Variants in DISC1 observed in about 807,000 individuals in gnomAD.
DISC1 encodes DISC1 scaffold protein.
In DISC1, 57 loss-of-function variants were observed where a neutral mutation model predicts 84.5. That is an observed-to-expected ratio of 0.67 (90% confidence interval 0.55 to 0.84). DISC1 has a LOEUF of 0.84. DISC1 is among the 40% of genes least tolerant of loss of function. The pLI is 0.00. For synonymous variants in DISC1, 411 were observed against 415.2 expected, an observed-to-expected ratio of 0.99 and a Z score of 0.12; for missense variants, 1,000 against 1,057.8, an observed-to-expected ratio of 0.95 and a Z score of 0.76.
At chr1:231,996,345 A>G (rs1310241159) in intron 10 of DISC1, among the ~76,000 whole-genome samples, 1 of 152,036 alleles carries the variant, frequency 6.6e-6, no homozygotes, top group African/African-American at 2.4e-5. Flanking sequence ...CTTTAGTTTA[A>G]TTAGATCCCA....
intron 9 of DISC1, among the ~76,000 whole-genome samples, chr1:231,923,693 T>C (rs1258354657): frequency 6.6e-6 from 1 of 152,242 alleles, no homozygotes; most frequent in Non-Finnish European, 1.5e-5. Context: ...AGAACACGTC[T>C]CTGCTGAGAC....
In DISC1 at chr1:232,007,294, C is replaced by T. The variant is rs190545090; in HGVS notation, c.2043-1491C>T. On this transcript the variant is annotated intron_variant, in intron 10 of 12. Transcript: ENST00000439617. ...TGGTAGATCCACTGATAGCTTGCAC[C>T]ATGCACCTGGAAAAGCTGCAGACAC... 9.0e-4 allele frequency among the ~76,000 whole-genome samples: 137 copies of T among 152,280 alleles called. No individual in the cohort carries two copies. In the Middle Eastern group the frequency reaches 0.01, roughly 11 times the overall value.
intron 10 of DISC1, among the ~76,000 whole-genome samples, chr1:231,987,704 A>T (rs1371860889): frequency 6.6e-6 from 1 of 152,182 alleles, no homozygotes; most frequent in African/African-American, 2.4e-5. Flanking sequence ...CAGTCTTCCT[A>T]GTTCTTTGGT....
At chr1:231,733,716 G>GGTGGTGGTGGTGATTGTGGGA (rs1333557481) in intron 3 of DISC1, among the ~76,000 whole-genome samples, 2 of 125,878 alleles carry the variant, frequency 1.6e-5, no homozygotes, top group Non-Finnish European at 3.6e-5. Context: ...GAATGGTAGT[G>GGTGGTGGTGGTGATTGTGGGA]GTGGTGGTGG....
chr1:231,708,603 AATTGTCACT>A, intron 3 of DISC1, among the ~76,000 whole-genome samples: 1 of 152,174 alleles, frequency 6.6e-6, no homozygotes, highest in East Asian at 1.9e-4. Flanking sequence ...CTGTGGGAAG[AATTGTCACT>A]ATCATTGGTT....
At chr1:231,707,054 G>A (rs759624136) in intron 3 of DISC1, among the ~76,000 whole-genome samples, 20 of 152,054 alleles carry the variant, frequency 1.3e-4, no homozygotes, top group African/African-American at 3.1e-4. Context: ...TTTTCCCTGC[G>A]TTTCATTCCA....
At chr1:232,021,394 G>A (rs1390548413) in intron 11 of DISC1, among the ~76,000 whole-genome samples, 1 of 151,326 alleles carries the variant, frequency 6.6e-6, no homozygotes, top group Non-Finnish European at 1.5e-5. Flanking sequence ...ATATGTGCCT[G>A]TACTGTTCAA....
intron 1 of DISC1, among the ~76,000 whole-genome samples, chr1:231,648,183 A>G (rs2060295968): frequency 6.6e-6 from 1 of 152,216 alleles, no homozygotes; most frequent in Admixed American, 6.5e-5. Flanking sequence ...TCAGTGTGAT[A>G]TTGGCTATGG....
At chr1:231,749,858 A>T in intron 3 of DISC1, 68 bp from the exon 4 acceptor site, 1 of 1,607,088 alleles carries the variant, frequency 6.2e-7, no homozygotes, top group Middle Eastern at 1.7e-4. Context: ...GAGCTAAGAG[A>T]CACCGGGGTT....
At chr1:231,731,706 A>T (rs766944409) in intron 3 of DISC1, among the ~76,000 whole-genome samples, 1 of 152,204 alleles carries the variant, frequency 6.6e-6, no homozygotes, top group Admixed American at 6.5e-5. Context: ...CCACCAAGAG[A>T]TATAGTCTAT....
intron 4 of DISC1, among the ~76,000 whole-genome samples, chr1:231,765,195 C>CAAAAAAAAAAAAA (rs71179793): frequency 2.1e-5 from 2 of 93,302 alleles, no homozygotes; most frequent in African/African-American, 4.4e-5. Flanking sequence ...GTCCACCCTA[C>CAAAAAAAAAAAAA]AAAAAAAAAA....
intron 3 of DISC1, among the ~76,000 whole-genome samples, chr1:231,719,199 T>C (rs1227165169): frequency 1.3e-5 from 2 of 152,178 alleles, no homozygotes; most frequent in African/African-American, 2.4e-5. Context: ...CTCATACATA[T>C]TGTGTTTTAG....
At position 232,032,054 on chromosome 1, in the gene DISC1, T is replaced by A. The variant is rs558107932; in HGVS notation, c.2426-4638T>A. ...TTCAGATTGTGGAATATTTGCATTA[T>A]ACTTACCAGTGGAGCATACCAAATC... On this transcript the variant is annotated intron_variant, in intron 12 of 12. Coordinates refer to ENST00000439617, the MANE Select transcript of DISC1 (RefSeq NM_018662.3). Among the ~76,000 whole-genome samples, 548 of 152,326 alleles carry A rather than the reference T, an allele frequency of 3.6e-3. 4 individuals carry two copies. The highest frequency in any genetic ancestry group is 0.013 in the African/African-American group (534 of 41,578).
chr1:231,779,566 T>G (rs1054308818), intron 6 of DISC1, among the ~76,000 whole-genome samples: 33 of 141,506 alleles, frequency 2.3e-4, no homozygotes, highest in African/African-American at 4.9e-4. Context: ...TTTTTTTTTT[T>G]TTTTTTTTTT....
At chr1:231,940,226 C>A (rs980478696) in intron 9 of DISC1, among the ~76,000 whole-genome samples, 5 of 152,126 alleles carry the variant, frequency 3.3e-5, no homozygotes, top group African/African-American at 1.2e-4. Context: ...AATTCTCTCA[C>A]CAGTTTGCAC....
At position 231,868,531 on chromosome 1, in the gene DISC1, AGAT is replaced by A. The variant is rs983577511; in HGVS notation, c.1981+50018_1981+50020del. ...TTTCTCTTTGTGAGAGAGGTGAAGA[AGAT>A]GATAACATGAAATGAAATCTAGGGC... On this transcript the variant is annotated intron_variant, in intron 9 of 12. Coordinates refer to ENST00000439617, the MANE Select transcript of DISC1 (RefSeq NM_018662.3). Among the ~76,000 whole-genome samples, 6 of 151,878 alleles carry A rather than the reference AGAT, an allele frequency of 4.0e-5. No homozygotes were observed. The East Asian group carries it at 5.8e-4, about 15-fold the overall frequency.
intron 11 of DISC1, among the ~76,000 whole-genome samples, chr1:232,019,133 C>T (rs1668728186): frequency 6.6e-6 from 1 of 152,092 alleles, no homozygotes; most frequent in East Asian, 1.9e-4. Flanking sequence ...GGGAGACAGG[C>T]GGTTACACAC....
chr1:231,976,160 T>G (rs1438570081), intron 10 of DISC1, among the ~76,000 whole-genome samples: 1 of 152,182 alleles, frequency 6.6e-6, no homozygotes, highest in Non-Finnish European at 1.5e-5. Context: ...ACTATTTTGG[T>G]GCAAAGTGTT....
chr1:231,718,667 C>T (rs2069141605), intron 3 of DISC1, among the ~76,000 whole-genome samples: 1 of 152,164 alleles, frequency 6.6e-6, no homozygotes, highest in South Asian at 2.1e-4. Flanking sequence ...AACTCCTGAC[C>T]TCAGGTCATC....
Sources: gnomAD v4.1 joint callset for allele counts (sites outside exome capture counted in the v4.1 genomes callset) on GRCh38, gnomAD v4.1.1 for gene constraint, MANE v1.5 for transcripts, NCBI Gene and HGNC (gene_info 2026-07-23, HGNC 2026-07-21) for gene names.